Variants in GOSR1 observed in about 807,000 individuals in gnomAD.
GOSR1 encodes golgi SNAP receptor complex member 1.
A neutral mutation model predicts 35.5 loss-of-function variants in GOSR1; 21 were observed. That is an observed-to-expected ratio of 0.59 (90% confidence interval 0.42 to 0.85). The LOEUF (loss-of-function observed/expected upper bound fraction) is 0.85. Ranked by LOEUF, GOSR1 falls within the 40% of genes least tolerant of loss-of-function variation. The pLI is 0.00. For synonymous variants in GOSR1, 94 were observed against 106.6 expected, an observed-to-expected ratio of 0.88 and a Z score of 0.73; for missense variants, 285 against 309.6, an observed-to-expected ratio of 0.92 and a Z score of 0.60.
At chr17:30,521,082 A>G (rs11653669) in intron 8 of GOSR1, among the ~76,000 whole-genome samples, 12,254 of 149,550 alleles carry the variant, frequency 0.082, 601 homozygotes, top group African/African-American at 0.14. Context: ...GCCTTTCTCA[A>G]TTGTTCATTA....
intron 8 of GOSR1, 36 bp downstream of exon 8, chr17:30,520,057 G>A (rs1047656983): frequency 1.5e-6 from 2 of 1,317,380 alleles, no homozygotes; most frequent in Non-Finnish European, 1.1e-6. Context: ...TGTGTTTTGA[G>A]GGTAGAGGGG....
intron 6 of GOSR1, among the ~76,000 whole-genome samples, chr17:30,493,857 A>C (rs1966893191): frequency 6.6e-6 from 1 of 152,096 alleles, no homozygotes; most frequent in Non-Finnish European, 1.5e-5. Context: ...CATTTCCCTA[A>C]TGTTGGCCTT....
intron 5 of GOSR1, 183 bp downstream of exon 5, chr17:30,490,400 A>G (rs535205333): frequency 1.3e-4 from 59 of 452,994 alleles, no homozygotes; most frequent in African/African-American, 1.1e-3. Context: ...TTCCATTTTT[A>G]TCTCATGCTT....
At chr17:30,502,068 G>A (rs1043777749) in intron 6 of GOSR1, among the ~76,000 whole-genome samples, 2 of 152,154 alleles carry the variant, frequency 1.3e-5, no homozygotes, top group African/African-American at 4.8e-5. Flanking sequence ...AAGACATGGG[G>A]GAACTTTAAA....
intron 7 of GOSR1, among the ~76,000 whole-genome samples, chr17:30,512,892 G>T (rs1425590000): frequency 6.6e-6 from 1 of 152,082 alleles, no homozygotes; most frequent in Non-Finnish European, 1.5e-5. Flanking sequence ...AAAACTTGGG[G>T]TACCTCATAG....
intron 4 of GOSR1, among the ~76,000 whole-genome samples, chr17:30,486,552 G>A (rs1914698942): frequency 6.6e-6 from 1 of 151,332 alleles, no homozygotes; most frequent in Non-Finnish European, 1.5e-5. Context: ...ATATTGGAAA[G>A]GAAGAGGCAA....
intron 4 of GOSR1, among the ~76,000 whole-genome samples, chr17:30,488,299 G>A (rs1220869094): frequency 6.7e-6 from 1 of 150,230 alleles, no homozygotes; most frequent in Non-Finnish European, 1.5e-5. Flanking sequence ...CGAGTAGCTG[G>A]GACTCCAGGC....
In GOSR1 at chr17:30,522,556, T is replaced by G; in HGVS notation, c.*178T>G. On this transcript the variant is annotated 3_prime_UTR_variant, in exon 9 of 9. Coordinates refer to ENST00000451249, the MANE Select transcript of GOSR1 (RefSeq NM_001007025.2). ...GGTTGAGCTGAAGCCACAGTTTCTC[T>G]GTGCTGTGTTTTCTAACACATTTTT... is the stretch of plus-strand genomic sequence containing the variant. 2 of 452,634 alleles carry G rather than the reference T, an allele frequency of 4.4e-6. No individual in the cohort carries two copies. The highest frequency in any genetic ancestry group is 3.9e-6 in the Non-Finnish European group (1 of 255,442). The allele number at this position is 452,634 out of a possible 1,614,324, so 28.0% of individuals were successfully genotyped here.
chr17:30,520,289 T>G (rs1464552249), intron 8 of GOSR1: 2 of 288,898 alleles, frequency 6.9e-6, no homozygotes, highest in Non-Finnish European at 1.3e-5. Context: ...CACCAATTTC[T>G]TCTACATTTT....
intron 1 of GOSR1, chr17:30,480,223 T>G (rs1409520689): frequency 6.6e-6 from 1 of 151,600 alleles, no homozygotes; most frequent in African/African-American, 2.4e-5. Flanking sequence ...GGCATGAGAG[T>G]TGCTTGAACC....
At chr17:30,515,563 T>C (rs776099369) in intron 7 of GOSR1, among the ~76,000 whole-genome samples, 2 of 152,192 alleles carry the variant, frequency 1.3e-5, no homozygotes, top group Non-Finnish European at 2.9e-5. Flanking sequence ...TTTTGGGTTA[T>C]GGCAACTCCT....
intron 7 of GOSR1, among the ~76,000 whole-genome samples, chr17:30,518,810 G>A (rs572083720): frequency 1.1e-4 from 17 of 152,070 alleles, no homozygotes; most frequent in South Asian, 6.2e-4. Context: ...AGGCATGATG[G>A]CACATGCCTG....
intron 7 of GOSR1, among the ~76,000 whole-genome samples, chr17:30,517,590 G>A (rs1485480741): frequency 6.8e-6 from 1 of 146,474 alleles, no homozygotes; most frequent in East Asian, 1.9e-4. Context: ...AGTTTTGGGG[G>A]ATTTTTTTTT....
At chr17:30,478,400 A>G (rs1188686123) in intron 1 of GOSR1, 1 of 152,210 alleles carries the variant, frequency 6.6e-6, no homozygotes, top group East Asian at 1.9e-4. Flanking sequence ...AAGAAACTCA[A>G]TTCTAAATTT....
chr17:30,498,007 G>A (rs1967060194), intron 6 of GOSR1, among the ~76,000 whole-genome samples: 1 of 145,762 alleles, frequency 6.9e-6, no homozygotes. Context: ...GCAGTGAGCT[G>A]AGATCGCGTT....
chr17:30,484,522 C>A (rs937379027), intron 3 of GOSR1, 141 bp from the exon 4 acceptor site: 33 of 598,646 alleles, frequency 5.5e-5, no homozygotes, highest in Admixed American at 1.0e-4. Flanking sequence ...TTCTTACTTG[C>A]TCTCTTGTTT....
At chr17:30,477,863 T>C in intron 1 of GOSR1, 1 of 984,514 alleles carries the variant, frequency 1.0e-6, no homozygotes. Flanking sequence ...GTCAGCGCAT[T>C]GGAGCTGAGG....
At chr17:30,492,385 A>G (rs1915102671) in intron 5 of GOSR1, among the ~76,000 whole-genome samples, 2 of 152,208 alleles carry the variant, frequency 1.3e-5, no homozygotes, top group African/African-American at 4.8e-5. Flanking sequence ...GATATCAGAG[A>G]TAGGAGGTAA....
At chr17:30,518,239 C>T (rs1478447315) in intron 7 of GOSR1, among the ~76,000 whole-genome samples, 1 of 152,130 alleles carries the variant, frequency 6.6e-6, no homozygotes, top group Admixed American at 6.5e-5. Context: ...TTCCCTGGTT[C>T]TCTCTTCACT....
Sources: allele counts gnomAD v4.1 joint callset (sites outside exome capture counted in the v4.1 genomes callset), GRCh38; gene constraint gnomAD v4.1.1; transcripts MANE v1.5; gene names NCBI Gene and HGNC (gene_info 2026-07-23, HGNC 2026-07-21).